FHIT: variants seen among roughly 807,000 people sequenced by gnomAD.
FHIT encodes the protein fragile histidine triad diadenosine triphosphatase.
FHIT carries 19 observed loss-of-function variants against 17.9 expected under a neutral mutation model. The observed-to-expected ratio is 1.06, with a 90% CI of 0.74 to 1.56. FHIT has a LOEUF of 1.56. Ranked by LOEUF, FHIT falls within the 40% of genes most tolerant of loss-of-function variation. The probability of loss-of-function intolerance (pLI) is 0.00; values close to 1 mark genes in which losing one functional copy is unlikely to be tolerated. For missense variants in FHIT, 248 were observed against 189.2 expected (o/e 1.31, Z -1.82); for synonymous variants, 81 against 69.7 (o/e 1.16, Z -0.81).
At position 59,778,042 on chromosome 3, in the gene FHIT, CTGTG is replaced by C. The variant is rs142617341; in HGVS notation, c.349-25725_349-25722del. ...ATTTCCTTCTCACTCTCTGAGATGT[CTGTG>C]TGTTTAATTGGTTTTTTCTGTCTCT... On this transcript the variant is annotated intron_variant, in intron 8 of 9. Coordinates refer to ENST00000492590, the MANE Select transcript of FHIT (RefSeq NM_002012.4). Among the ~76,000 whole-genome samples the C allele has an allele frequency of 8.0e-3, 1,213 of 152,276 alleles. 6 individuals carry two copies. Among genetic ancestry groups the C allele is most frequent in the Middle Eastern group, 0.031 (9 of 294 alleles).
At chr3:61,043,705 A>T (rs1181688269) in intron 2 of FHIT, among the ~76,000 whole-genome samples, 2 of 152,232 alleles carry the variant, frequency 1.3e-5, no homozygotes, top group African/African-American at 4.8e-5. Context: ...AGACCCAAGT[A>T]GCCTAACTGG....
At chr3:60,066,630 A>ATTTTTTTTTTTTTTTTTTTTTTTTTTT (rs71089574) in intron 5 of FHIT, among the ~76,000 whole-genome samples, 2 of 51,422 alleles carry the variant, frequency 3.9e-5, no homozygotes, top group Admixed American at 3.6e-4. Flanking sequence ...TCCCTGACAA[A>ATTTTTTTTTTTTTTTTTTTTTTTTTTT]TTTTTTTTTT....
At chr3:60,827,604 A>G (rs1177428356) in intron 3 of FHIT, among the ~76,000 whole-genome samples, 17 of 152,358 alleles carry the variant, frequency 1.1e-4, no homozygotes, top group African/African-American at 4.1e-4. Flanking sequence ...TTGTCTGAGT[A>G]AGTACTTATA....
chr3:60,910,013 G>A (rs1022652173), intron 3 of FHIT, among the ~76,000 whole-genome samples: 1 of 152,132 alleles, frequency 6.6e-6, no homozygotes, highest in African/African-American at 2.4e-5. Context: ...GAGAAGCATA[G>A]AAATGAACAC....
At chr3:60,365,988 C>T (rs1700091169) in intron 5 of FHIT, among the ~76,000 whole-genome samples, 1 of 152,138 alleles carries the variant, frequency 6.6e-6, no homozygotes, top group Admixed American at 6.6e-5. Context: ...CATTGAATGA[C>T]CAAACAACTG....
At chr3:60,384,352 A>G (rs1280766427) in intron 5 of FHIT, among the ~76,000 whole-genome samples, 1 of 152,184 alleles carries the variant, frequency 6.6e-6, no homozygotes, top group East Asian at 1.9e-4. Flanking sequence ...TAAGTTTCAC[A>G]ACAGAGATGA....
At chr3:60,115,728 T>C (rs1054508471) in intron 5 of FHIT, among the ~76,000 whole-genome samples, 3 of 152,110 alleles carry the variant, frequency 2.0e-5, no homozygotes, top group Non-Finnish European at 4.4e-5. Flanking sequence ...TTGAAAGACA[T>C]TAAGAAATCA....
At chr3:60,263,916 TG>T (rs1706433195) in intron 5 of FHIT, among the ~76,000 whole-genome samples, 1 of 151,614 alleles carries the variant, frequency 6.6e-6, no homozygotes, top group Non-Finnish European at 1.5e-5. Context: ...AGAAAGTGAG[TG>T]TTTTTTTTTT....
At chr3:60,843,887 G>T (rs968133780) in intron 3 of FHIT, among the ~76,000 whole-genome samples, 4 of 152,112 alleles carry the variant, frequency 2.6e-5, no homozygotes, top group East Asian at 3.8e-4. Flanking sequence ...ATATTTCTAA[G>T]AAATAAAGTT....
At chr3:60,332,913 C>G (rs1181693586) in intron 5 of FHIT, among the ~76,000 whole-genome samples, 1 of 152,184 alleles carries the variant, frequency 6.6e-6, no homozygotes, top group African/African-American at 2.4e-5. Flanking sequence ...ATTGTGTCTG[C>G]TCCTAGACAC....
chr3:60,966,515 C>G lies in FHIT; in HGVS notation c.-111+75532G>C, dbSNP rs191968893. Among the ~76,000 whole-genome samples the G allele has an allele frequency of 3.9e-5, 6 of 152,310 alleles. No individual in the cohort carries two copies. The East Asian group carries it at 1.2e-3, about 29-fold the overall frequency. On this transcript the variant is annotated intron_variant, in intron 3 of 9. Transcript: ENST00000492590. ...CAGAAATCACCCATCTTCTGCACTC[C>G]TCACGCTGGGAGCTGTAGAATGGCG...
intron 5 of FHIT, among the ~76,000 whole-genome samples, chr3:60,481,388 T>A (rs1159115789): frequency 6.6e-6 from 1 of 151,350 alleles, no homozygotes; most frequent in African/African-American, 2.4e-5. Flanking sequence ...TTCTCCAAGG[T>A]TGAAATGAAG....
At chr3:61,186,739 C>A (rs1014649365) in intron 2 of FHIT, among the ~76,000 whole-genome samples, 5 of 152,188 alleles carry the variant, frequency 3.3e-5, no homozygotes, top group Non-Finnish European at 5.9e-5. Context: ...GAAGCCTCAC[C>A]TTTCATCGTT....
intron 4 of FHIT, among the ~76,000 whole-genome samples, chr3:60,578,896 A>G (rs1225146407): frequency 6.6e-6 from 1 of 152,132 alleles, no homozygotes; most frequent in African/African-American, 2.4e-5. Flanking sequence ...CATTTTCTAG[A>G]TGTCTTCTTT....
intron 5 of FHIT, among the ~76,000 whole-genome samples, chr3:60,209,761 G>A (rs1015026714): frequency 9.9e-5 from 15 of 152,096 alleles, no homozygotes; most frequent in Non-Finnish European, 1.9e-4. Context: ...GCCATAAAAA[G>A]GAATGAGATC....
chr3:60,315,051 C>T (rs2106777850), intron 5 of FHIT, among the ~76,000 whole-genome samples: 1 of 152,250 alleles, frequency 6.6e-6, no homozygotes, highest in African/African-American at 2.4e-5. Context: ...AAGTCTGCCA[C>T]CCTGAGGCTA....
Position 60,500,771 on chromosome 3 carries a change from T to TAAAAAA in FHIT, c.103+36083_103+36088dup, listed in dbSNP as rs71092606. 3.6e-3 allele frequency among the ~76,000 whole-genome samples: 233 copies of TAAAAAA among 64,850 alleles called. 6 individuals are homozygous for TAAAAAA. The highest frequency in any genetic ancestry group is 0.014 in the African/African-American group (222 of 16,254). The allele number at this position is 64,850 out of a possible 152,430, so 42.5% of individuals were successfully genotyped here. On this transcript the variant is annotated intron_variant, in intron 5 of 9. Transcript: ENST00000492590. The stretch of plus-strand genomic sequence containing the variant: ...CTGGGTGACAGAGTGAGCATCCATC[T>TAAAAAA]AAAAAAAAAAAAAAAAAAAAAAAAA...
intron 5 of FHIT, among the ~76,000 whole-genome samples, chr3:60,192,361 G>T (rs374956778): frequency 6.6e-6 from 1 of 152,118 alleles, no homozygotes; most frequent in Non-Finnish European, 1.5e-5. Flanking sequence ...AAATGCAGAT[G>T]TAGGTTTAGG....
At chr3:60,881,582 C>G (rs113832518) in intron 3 of FHIT, among the ~76,000 whole-genome samples, 1,588 of 152,196 alleles carry the variant, frequency 0.01, 32 homozygotes, top group African/African-American at 0.035. Context: ...TATCAAGTAT[C>G]TTTTCTGAAC....
Sources: allele counts gnomAD v4.1 joint callset (sites outside exome capture counted in the v4.1 genomes callset), GRCh38; gene constraint gnomAD v4.1.1; transcripts MANE v1.5; gene names NCBI Gene and HGNC (gene_info 2026-07-23, HGNC 2026-07-21).